Variants in RALB observed in about 807,000 individuals in gnomAD.
The protein encoded by RALB is RAS like proto-oncogene B.
RALB carries 16 observed loss-of-function variants against 21.3 expected under a neutral mutation model. That is an observed-to-expected ratio of 0.75 (90% confidence interval 0.51 to 1.14). The LOEUF is 1.14. RALB is among the 50% of genes most tolerant of loss of function. RALB has a pLI of 0.00. For missense variants in RALB, 161 were observed against 256.2 expected, an observed-to-expected ratio of 0.63 and a Z score of 2.54; for synonymous variants, 93 against 96.1, an observed-to-expected ratio of 0.97 and a Z score of 0.19.
At chr2:120,288,342 G>GTTTT (rs547733377) in intron 3 of RALB, among the ~76,000 whole-genome samples, 41,096 of 114,560 alleles carry the variant, frequency 0.36, 11,172 homozygotes, top group Non-Finnish European at 0.45. Flanking sequence ...GAAAATTTTA[G>GTTTT]TTTTTTTTTT....
chr2:120,241,179 C>T (rs1177079414), intron 1 of RALB, among the ~76,000 whole-genome samples: 2 of 152,216 alleles, frequency 1.3e-5, no homozygotes, highest in Admixed American at 6.5e-5. Flanking sequence ...CAGAAGGGCT[C>T]ATCCTCGAGC....
chr2:120,278,453 TCCAGAGTTGTTGGAGGGCTCGC>T (rs1200381992), intron 1 of RALB, among the ~76,000 whole-genome samples, 143 bp from the exon 2 acceptor site: 1 of 152,192 alleles, frequency 6.6e-6, no homozygotes, highest in Non-Finnish European at 1.5e-5. Context: ...GTAAGTGACT[TCCAGAGTTGTTGGAGGGCTCGC>T]ATGTCTGCCC....
At chr2:120,245,703 C>T (rs920306734) in intron 1 of RALB, among the ~76,000 whole-genome samples, 4 of 152,098 alleles carry the variant, frequency 2.6e-5, no homozygotes, top group African/African-American at 9.7e-5. Flanking sequence ...ACGGGTTGTG[C>T]AAGGAGGCCC....
chr2:120,243,077 G>T (rs146011457), intron 1 of RALB, among the ~76,000 whole-genome samples: 1 of 152,320 alleles, frequency 6.6e-6, no homozygotes, highest in East Asian at 1.9e-4. Context: ...AGGCTCAGAG[G>T]CATGCCTTTT....
rs368293659 is a variant in RALB, at chr2:120,246,201, G to A, written c.19+6076G>A. ...TTGGCATTTGTGGGTGGGACAGAGTGACAGAGGCTGCATGGTGCTTTGGTG... is the reference window on the plus strand; with the variant it reads ...TTGGCATTTGTGGGTGGGACAGAGTAACAGAGGCTGCATGGTGCTTTGGTG... On this transcript the variant is annotated intron_variant, in intron 1 of 3. Transcript: ENST00000447591. Among the ~76,000 whole-genome samples, 21 of 152,374 alleles carry A rather than the reference G, an allele frequency of 1.4e-4. No homozygotes were observed. In the East Asian group the frequency reaches 2.9e-3, roughly 21 times the overall value.
chr2:120,279,484 T>C (rs1689930306), intron 2 of RALB, among the ~76,000 whole-genome samples: 1 of 152,158 alleles, frequency 6.6e-6, no homozygotes, highest in East Asian at 1.9e-4. Context: ...ATAAAAACAA[T>C]ACAAATTAAA....
Position 120,240,158 on chromosome 2 carries a change from C to T in RALB, c.19+33C>T, listed in dbSNP as rs753653037. The T allele has an allele frequency of 1.9e-5, 24 of 1,289,416 alleles. No homozygotes were observed. In the African/African-American group the frequency reaches 2.0e-4, roughly 11 times the overall value. The allele number at this position is 1,289,416 out of a possible 1,614,324, so 79.9% of individuals were successfully genotyped here. A position where few individuals can be genotyped will look rare whatever the true frequency, so the allele number is the denominator to read the frequency against. On this transcript the variant is annotated intron_variant, in intron 1 of 3. Coordinates refer to the RALB transcript ENST00000447591. ...CCCGCCCTCGGTGTGGATTGCACTT[C>T]GAAGCCCCACAGTGACCTTGTGACT...
chr2:120,260,809 G>A (rs1689348201), intron 1 of RALB, among the ~76,000 whole-genome samples: 1 of 152,256 alleles, frequency 6.6e-6, no homozygotes, highest in Admixed American at 6.5e-5. Flanking sequence ...GAGGGCATGG[G>A]AAGGAAGAAA....
rs927455328 is a variant in RALB at position 120,240,293 on chromosome 2, AT to A, written c.19+177del. Among the ~76,000 whole-genome samples, 387 of 134,014 alleles carry A rather than the reference AT, an allele frequency of 2.9e-3. 4 individuals carry two copies. Among genetic ancestry groups the A allele is most frequent in the African/African-American group, 0.011 (369 of 33,216 alleles). 87.9% of individuals were successfully genotyped at this position (134,014 alleles called of 152,430 possible). On this transcript the variant is annotated intron_variant, in intron 1 of 3. Transcript: ENST00000447591. ...CTGCTACTTTTTTATTTTTATTTTT[AT>A]TTTTTTTTGAGACAGGGTCTCCCTC...
chr2:120,289,360 C>G (rs1360809930), intron 3 of RALB, among the ~76,000 whole-genome samples: 3 of 152,002 alleles, frequency 2.0e-5, no homozygotes, highest in Non-Finnish European at 2.9e-5. Context: ...GATGAGCATC[C>G]CAGGGGATTC....
At chr2:120,277,695 GT>G (rs1689852846) in intron 1 of RALB, among the ~76,000 whole-genome samples, 1 of 147,258 alleles carries the variant, frequency 6.8e-6, no homozygotes, top group Non-Finnish European at 1.5e-5. Context: ...GTGAAAGTGT[GT>G]ATGTGGGTGT....
chr2:120,241,688 T>A (rs1011169963), intron 1 of RALB, among the ~76,000 whole-genome samples: 5 of 152,006 alleles, frequency 3.3e-5, no homozygotes, highest in African/African-American at 1.2e-4. Flanking sequence ...ATCGTGCCAT[T>A]GTACTCCAGC....
chr2:120,250,020 C>T (rs1689029886), upstream of RALB, among the ~76,000 whole-genome samples: 1 of 152,228 alleles, frequency 6.6e-6, no homozygotes, highest in Non-Finnish European at 1.5e-5. Context: ...TGATTTTTCT[C>T]ATCCTTGAGG....
At chr2:120,284,722 A>T (rs1303017937) in intron 2 of RALB, among the ~76,000 whole-genome samples, 1 of 145,624 alleles carries the variant, frequency 6.9e-6, no homozygotes, top group African/African-American at 2.6e-5. Flanking sequence ...ACCATTATCT[A>T]ATTTTAGATC....
At chr2:120,279,501 A>G (rs1001320124) in intron 2 of RALB, among the ~76,000 whole-genome samples, 2 of 152,236 alleles carry the variant, frequency 1.3e-5, no homozygotes, top group Admixed American at 1.3e-4. Flanking sequence ...TAAAACATGC[A>G]ATGTAACAAC....
intron 1 of RALB, among the ~76,000 whole-genome samples, chr2:120,268,330 G>A (rs758422692): frequency 2.6e-5 from 4 of 152,098 alleles, no homozygotes; most frequent in African/African-American, 4.8e-5. Flanking sequence ...ATAGTTTTTC[G>A]TTTCGAGTCA....
At chr2:120,254,511 G>C (rs1689147810) in intron 1 of RALB, among the ~76,000 whole-genome samples, 1 of 152,108 alleles carries the variant, frequency 6.6e-6, no homozygotes, top group Non-Finnish European at 1.5e-5. Flanking sequence ...GATATCTTTT[G>C]GGAACTTGGG....
intron 1 of RALB, chr2:120,240,248 C>T (rs963020082): frequency 1.2e-6 from 1 of 857,388 alleles, no homozygotes; most frequent in Non-Finnish European, 1.7e-6. Context: ...CCTGGGGTCA[C>T]ACAGCATGTA....
In RALB at chr2:120,252,906, C is replaced by T; in HGVS notation, c.-122C>T. 1.0e-6 allele frequency: 1 copy of T among 985,492 alleles called. No individual in the cohort carries two copies. Among genetic ancestry groups the T allele is most frequent in the Non-Finnish European group, 1.2e-6 (1 of 830,068 alleles). The allele number at this position is 985,492 out of a possible 1,614,324, so 61.0% of individuals were successfully genotyped here. ...TCGGTGGAGGACGGCTGGGGTCCGG[C>T]CCCGGGAGGGGGCGGGGCGCGTTTA... On this transcript the variant is annotated 5_prime_UTR_variant, in exon 1 of 5. Coordinates refer to ENST00000272519, the MANE Select transcript of RALB (RefSeq NM_002881.3).
Sources: allele counts gnomAD v4.1 joint callset (sites outside exome capture counted in the v4.1 genomes callset), GRCh38; gene constraint gnomAD v4.1.1; transcripts MANE v1.5; gene names NCBI Gene and HGNC (gene_info 2026-07-23, HGNC 2026-07-21).